CPT1A: variants seen among roughly 807,000 people sequenced by gnomAD.
CPT1A encodes carnitine O-palmitoyltransferase 1, liver isoform.
In CPT1A, 64 loss-of-function variants were observed where a neutral mutation model predicts 100.8. That is an observed-to-expected ratio of 0.63 (90% confidence interval 0.52 to 0.78). The LOEUF is 0.78. Ranked by LOEUF, CPT1A falls within the 30% of genes least tolerant of loss-of-function variation. The pLI, the probability that CPT1A is intolerant of heterozygous loss-of-function variation, is 0.00. For synonymous variants in CPT1A, 363 were observed against 396.0 expected, an observed-to-expected ratio of 0.92 and a Z score of 0.99; for missense variants, 802 against 1,034.1, an observed-to-expected ratio of 0.78 and a Z score of 3.08.
intron 8 of CPT1A, among the ~76,000 whole-genome samples, chr11:68,793,874 T>C (rs1443081636): frequency 6.6e-6 from 1 of 152,198 alleles, no homozygotes; most frequent in Non-Finnish European, 1.5e-5. Context: ...CTCACTGGAA[T>C]GATTCGTTGG....
chr11:68,779,795 C>A (rs1282330499), intron 12 of CPT1A, among the ~76,000 whole-genome samples: 2,256 of 123,478 alleles, frequency 0.018, no homozygotes, highest in Middle Eastern at 0.021. Flanking sequence ...GACCCTGTCT[C>A]AAAAAAAAAA....
chr11:68,779,525 G>T (rs1283345426), intron 12 of CPT1A, among the ~76,000 whole-genome samples: 8 of 148,356 alleles, frequency 5.4e-5, no homozygotes, highest in Non-Finnish European at 1.2e-4. Context: ...GCTGAGTGTG[G>T]TGGCTCCCAT....
Position 68,812,593 on chromosome 11 carries a change from G to C in CPT1A, c.142-17C>G, listed in dbSNP as rs201203984. On this transcript the variant is annotated splice_polypyrimidine_tract_variant and intron_variant, in intron 2 of 18. Transcript: ENST00000265641. ...GATGCCGTTCTAAAGACAGACACCC[G>C]GGCCGTGAGCGGTGTCCTCCCACAA... The C allele has an allele frequency of 9.9e-5, 159 of 1,613,904 alleles. No homozygotes were observed. The African/African-American group carries it at 1.9e-3, about 20-fold the overall frequency.
intron 1 of CPT1A, 76 bp from the exon 2 acceptor site, chr11:68,815,563 A>G: frequency 1.4e-6 from 2 of 1,412,030 alleles, no homozygotes; most frequent in Non-Finnish European, 2.0e-6. Context: ...CAGAAGTGCC[A>G]TTCCTTCTGA....
chr11:68,796,808 G>T, intron 7 of CPT1A, 48 bp downstream of exon 7: 1 of 1,584,932 alleles, frequency 6.3e-7, no homozygotes, highest in African/African-American at 1.3e-5. Context: ...GGACAGACCC[G>T]CCGCCCCACC....
intron 9 of CPT1A, among the ~76,000 whole-genome samples, chr11:68,789,004 A>G (rs2153999023): frequency 6.6e-6 from 1 of 152,014 alleles, no homozygotes; most frequent in South Asian, 2.1e-4. Flanking sequence ...GAATTCACTG[A>G]GCGTCACTTA....
intron 18 of CPT1A, 110 bp from the exon 19 acceptor site, chr11:68,757,840 C>T: frequency 1.1e-6 from 1 of 937,426 alleles, no homozygotes; most frequent in African/African-American, 1.6e-5. Context: ...TCCTTTCTGC[C>T]AGTTCTCTAA....
At chr11:68,831,505 G>A (rs1269420834) in intron 1 of CPT1A, among the ~76,000 whole-genome samples, 1 of 152,146 alleles carries the variant, frequency 6.6e-6, no homozygotes, top group Admixed American at 6.5e-5. Flanking sequence ...TTCTGAGTGG[G>A]GCAGAAGTCT....
chr11:68,777,337 G>A (rs1335072613), intron 12 of CPT1A, among the ~76,000 whole-genome samples: 3 of 152,186 alleles, frequency 2.0e-5, no homozygotes, highest in Non-Finnish European at 2.9e-5. Context: ...GGCTGAGGTG[G>A]GAAAATTACT....
chr11:68,800,829 C>T (rs1280558843), intron 5 of CPT1A, among the ~76,000 whole-genome samples: 2 of 152,068 alleles, frequency 1.3e-5, no homozygotes, highest in East Asian at 3.9e-4. Flanking sequence ...AAAGGGCCAG[C>T]TGTAGCTGGG....
In CPT1A at chr11:68,757,644, T is replaced by C. The variant is rs1170837033; in HGVS notation, c.2322A>G (p.Ter774=). ...TTCCTTCCCAGCAGCTCCAGTGGAA[T>C]TACTTTTTGGAATTAGAACTGAGAC... ...LFGLSSNSKK[*] is the part of the protein sequence containing the mutation. The change falls in exon 19 of 19, where the codon TAA becomes TAG. Residue 774 remains the stop codon, a stop_retained_variant. Transcript: ENST00000265641. 1 of 1,614,156 alleles carries C rather than the reference T, an allele frequency of 6.2e-7. No individual in the cohort carries two copies. Among genetic ancestry groups the C allele is most frequent in the Non-Finnish European group, 8.5e-7 (1 of 1,180,000 alleles).
intron 10 of CPT1A, among the ~76,000 whole-genome samples, chr11:68,782,834 C>T (rs1049253313): frequency 6.6e-5 from 10 of 152,190 alleles, no homozygotes; most frequent in African/African-American, 1.7e-4. Flanking sequence ...ACAAAGGTGA[C>T]GCTGACGGTG....
rs761235612 is a variant in CPT1A at position 68,762,759 on chromosome 11, G to A, written c.1743C>T (p.Asp581=). 6.2e-7 allele frequency: 1 copy of A among 1,614,122 alleles called. No individual in the cohort carries two copies. Among genetic ancestry groups the A allele is most frequent in the East Asian group, 2.2e-5 (1 of 44,882 alleles). The change falls in exon 15 of 19, where the codon GAC becomes GAT. Residue 581 remains aspartate (D), a splice_region_variant and synonymous_variant. Coordinates refer to ENST00000265641, the MANE Select transcript of CPT1A (RefSeq NM_001876.4). ...QLALQLAHYK[D]MGKFCLTYEA... ...CGTATGTGAGGCAAAACTTGCCCAT[G>A]TCCTGGGGAAAGAGAAGTACTTCAG...
chr11:68,815,615 C>A, intron 1 of CPT1A, 128 bp from the exon 2 acceptor site: 1 of 900,346 alleles, frequency 1.1e-6, no homozygotes, highest in Non-Finnish European at 1.7e-6. Flanking sequence ...TAATACTTTT[C>A]ATCAACAGAC....
chr11:68,769,403 A>T (rs1302178720), intron 14 of CPT1A, among the ~76,000 whole-genome samples: 4 of 133,316 alleles, frequency 3.0e-5, no homozygotes, highest in African/African-American at 1.1e-4. Context: ...TGCTGGGCTA[A>T]TTTTTTTTTT....
At chr11:68,805,286 T>C (rs1856010044) in intron 4 of CPT1A, among the ~76,000 whole-genome samples, 1 of 151,696 alleles carries the variant, frequency 6.6e-6, no homozygotes, top group Non-Finnish European at 1.5e-5. Context: ...CCTGTCTCTA[T>C]TAAAAATACA....
chr11:68,788,038 C>A (rs911127673), intron 9 of CPT1A, among the ~76,000 whole-genome samples: 3 of 151,776 alleles, frequency 2.0e-5, no homozygotes, highest in African/African-American at 7.3e-5. Context: ...AGGAGAGGGG[C>A]CTACAGAAGG....
At chr11:68,770,241 C>CTATAA (rs1303356061) in intron 14 of CPT1A, among the ~76,000 whole-genome samples, 1 of 152,124 alleles carries the variant, frequency 6.6e-6, no homozygotes, top group African/African-American at 2.4e-5. Context: ...GGTGGGGCCC[C>CTATAA]AGATTCTCGT....
At chr11:68,832,253 A>C (rs1167102284) in intron 1 of CPT1A, among the ~76,000 whole-genome samples, 1 of 152,214 alleles carries the variant, frequency 6.6e-6, no homozygotes, top group East Asian at 1.9e-4. Context: ...GTTCGAGACC[A>C]GCCTGACCAA....
Sources: gnomAD v4.1 joint callset for allele counts (sites outside exome capture counted in the v4.1 genomes callset) on GRCh38, gnomAD v4.1.1 for gene constraint, MANE v1.5 for transcripts, NCBI Gene and HGNC (gene_info 2026-07-23, HGNC 2026-07-21) for gene names.